TBC1D9: variants seen among roughly 807,000 people sequenced by gnomAD.
TBC1D9 encodes TBC1 domain family member 9, also known as TBC1 domain family member 9A.
Under a neutral mutation model 132.0 loss-of-function variants are expected in TBC1D9, and 63 were observed. The ratio of observed to expected loss-of-function variants is 0.48; its 90% confidence interval spans 0.39 to 0.59. The LOEUF (loss-of-function observed/expected upper bound fraction) is 0.59, where lower values mean the gene tolerates loss of function less well. TBC1D9 is among the 20% of genes least tolerant of loss of function. The probability of loss-of-function intolerance (pLI) is 0.00; values close to 1 mark genes in which losing one functional copy is unlikely to be tolerated. For missense variants in TBC1D9, 1,261 were observed against 1,592.7 expected, an observed-to-expected ratio of 0.79 and a Z score of 3.54; for synonymous variants, 610 against 609.9, an observed-to-expected ratio of 1.00 and a Z score of 0.00.
chr4:140,642,361 G>T, intron 13 of TBC1D9: 1 of 836,614 alleles, frequency 1.2e-6, no homozygotes, highest in Non-Finnish European at 2.0e-6. Context: ...GCCCTTTTGT[G>T]TTTACCTTCT....
chr4:140,730,338 TG>T (rs1269985276), intron 1 of TBC1D9, among the ~76,000 whole-genome samples: 1 of 152,206 alleles, frequency 6.6e-6, no homozygotes, highest in African/African-American at 2.4e-5. Flanking sequence ...CTTACATTGT[TG>T]GTACCAGGGG....
intron 1 of TBC1D9, among the ~76,000 whole-genome samples, chr4:140,755,200 A>T (rs187125926): frequency 6.6e-6 from 1 of 152,204 alleles, no homozygotes; most frequent in Non-Finnish European, 1.5e-5. Flanking sequence ...TACTTTGGAT[A>T]TGGGTCTGAC....
intron 2 of TBC1D9, 119 bp from the exon 3 acceptor site, chr4:140,686,581 G>T (rs1159776103): frequency 1.6e-6 from 1 of 620,844 alleles, no homozygotes; most frequent in Non-Finnish European, 2.8e-6. Flanking sequence ...CAAGAGCTTT[G>T]CCTTTAAATG....
intron 9 of TBC1D9, among the ~76,000 whole-genome samples, chr4:140,667,971 A>C (rs1297845791): frequency 5.3e-5 from 8 of 152,218 alleles, no homozygotes; most frequent in Non-Finnish European, 8.8e-5. Context: ...ACTTTTTAAG[A>C]ATAAAAGCTT....
rs147018015 is a variant in TBC1D9 at position 140,714,406 on chromosome 4, C to T, written c.131-12792G>A. 5.4e-3 allele frequency among the ~76,000 whole-genome samples: 828 copies of T among 152,208 alleles called. 6 individuals are homozygous for T. The highest frequency in any genetic ancestry group is 7.9e-3 in the Non-Finnish European group (534 of 68,002). On this transcript the variant is annotated intron_variant, in intron 1 of 20. Coordinates refer to ENST00000442267, the MANE Select transcript of TBC1D9 (RefSeq NM_015130.3). ...CAGGAGGAACCACTCAAAGTGGGGG[C>T]TTCTGGGTCTTTGGTGGATTCAAGG...
At position 140,622,327 on chromosome 4, in the gene TBC1D9, C is replaced by A. The variant is rs914934127; in HGVS notation, c.3669G>T (p.Glu1223Asp). 1 of 1,613,828 alleles carries A rather than the reference C, an allele frequency of 6.2e-7. No homozygotes were observed. The highest frequency in any genetic ancestry group is 2.2e-5 in the East Asian group (1 of 44,858). The part of the protein sequence containing the change: ...FEQFLASLLT[E>D]PALVKYFDKP... The stretch of plus-strand genomic sequence containing the variant: ...TGTCAAAGTACTTGACCAGGGCAGG[C>A]TCAGTTAAGAGGGAGGCCAGGAACT... Residue 1223 changes from glutamate (E) to aspartate (D), a missense_variant, in exon 21 of 21, where the codon GAG becomes GAT. Glu to Asp is a conservative substitution (Grantham distance 45). This residue lies in a region of TBC1D9 where 618 missense variants were observed against 724.4 expected (regional missense o/e 0.85). Coordinates refer to ENST00000442267, the MANE Select transcript of TBC1D9 (RefSeq NM_015130.3).
Position 140,642,572 on chromosome 4 carries a change from A to T in TBC1D9, c.2338-3144T>A, listed in dbSNP as rs1737020937. On this transcript the variant is annotated intron_variant, in intron 13 of 20. Transcript: ENST00000442267. ...AGGGCCTTTGTCGAGCTTGCTTGCC[A>T]ACTGCTCCTGGTCGCTGTCCATCTT... The T allele has an allele frequency of 6.1e-6, 6 of 987,090 alleles. No homozygotes were observed. In the Middle Eastern group the frequency reaches 1.1e-3, roughly 177 times the overall value. 61.1% of individuals were successfully genotyped at this position (987,090 alleles called of 1,614,324 possible).
intron 1 of TBC1D9, among the ~76,000 whole-genome samples, chr4:140,740,769 T>C (rs1470051061): frequency 1.3e-5 from 2 of 152,338 alleles, no homozygotes; most frequent in East Asian, 1.9e-4. Context: ...GTGAGACTTA[T>C]ACCTCAATCA....
intron 3 of TBC1D9, 101 bp from the exon 4 acceptor site, chr4:140,679,944 A>T: frequency 2.0e-6 from 2 of 1,005,996 alleles, no homozygotes; most frequent in Non-Finnish European, 2.8e-6. Flanking sequence ...TTAAAAAAAA[A>T]AATTGAGGAA....
At chr4:140,654,415 A>G (rs960008345) in intron 13 of TBC1D9, among the ~76,000 whole-genome samples, 26 of 146,036 alleles carry the variant, frequency 1.8e-4, no homozygotes, top group African/African-American at 6.3e-4. Flanking sequence ...CTTGGTACTG[A>G]GGCATGCCTA....
Position 140,646,492 on chromosome 4 carries a change from A to G in TBC1D9, c.2338-7064T>C, listed in dbSNP as rs112229461. Among the ~76,000 whole-genome samples the G allele has an allele frequency of 5.3e-5, 8 of 152,298 alleles. 1 individual carries two copies. Among genetic ancestry groups the G allele is most frequent in the African/African-American group, 1.9e-4 (8 of 41,566 alleles). ...ACTTTTTTACTATAAGTATATCCCA[A>G]TCAATATTAATTAATCCTGTATTTT... On this transcript the variant is annotated intron_variant, in intron 13 of 20. Transcript: ENST00000442267.
chr4:140,668,864 G>A, intron 9 of TBC1D9, 53 bp downstream of exon 9: 2 of 1,596,056 alleles, frequency 1.3e-6, no homozygotes, highest in Admixed American at 1.7e-5. Context: ...GGGAGGCCCT[G>A]GTGTGGAGTC....
chr4:140,654,282 T>C (rs1737231620), intron 13 of TBC1D9, among the ~76,000 whole-genome samples: 1 of 152,118 alleles, frequency 6.6e-6, no homozygotes, highest in Admixed American at 6.6e-5. Flanking sequence ...ACATTTGATT[T>C]TTTTAGATAG....
chr4:140,700,607 G>A (rs1738052707), intron 2 of TBC1D9, among the ~76,000 whole-genome samples: 1 of 151,940 alleles, frequency 6.6e-6, no homozygotes, highest in South Asian at 2.1e-4. Flanking sequence ...ATTGCTTTGA[G>A]GTCAGGAGTT....
intron 1 of TBC1D9, among the ~76,000 whole-genome samples, chr4:140,725,949 C>G (rs147458852): frequency 1.3e-5 from 2 of 152,144 alleles, no homozygotes; most frequent in African/African-American, 4.8e-5. Context: ...ATCTTTGAAC[C>G]ATATAAATAT....
rs185336929 is a variant in TBC1D9 at position 140,634,452 on chromosome 4, G to A, written c.2506-264C>T. 3.3e-3 allele frequency among the ~76,000 whole-genome samples: 506 copies of A among 152,238 alleles called. 1 individual carries two copies. Among genetic ancestry groups the A allele is most frequent in the Non-Finnish European group, 6.0e-3 (408 of 68,030 alleles). On this transcript the variant is annotated intron_variant, in intron 15 of 20. Transcript: ENST00000442267. ...ACTGGGTGTAGGTGAAGAAAGAAAGGGAACTCTCCCCCACCACATTCTCTT... is the reference window on the plus strand; with the variant it reads ...ACTGGGTGTAGGTGAAGAAAGAAAGAGAACTCTCCCCCACCACATTCTCTT...
intron 1 of TBC1D9, among the ~76,000 whole-genome samples, chr4:140,732,681 C>T (rs1453651046): frequency 6.6e-6 from 1 of 152,110 alleles, no homozygotes; most frequent in Non-Finnish European, 1.5e-5. Context: ...TCAAGTCTTC[C>T]ACAGCTGTCT....
chr4:140,653,405 C>T (rs909171588), intron 13 of TBC1D9, among the ~76,000 whole-genome samples: 1 of 152,144 alleles, frequency 6.6e-6, no homozygotes, highest in African/African-American at 2.4e-5. Context: ...CAGTGATTAG[C>T]CCCATTCTGC....
chr4:140,755,795 G>A, intron 1 of TBC1D9, 121 bp downstream of exon 1: 1 of 1,354,188 alleles, frequency 7.4e-7, no homozygotes, highest in Non-Finnish European at 9.5e-7. Context: ...ATACAACGAG[G>A]CAGGGCGGGT....
Sources: gnomAD v4.1 joint callset for allele counts (sites outside exome capture counted in the v4.1 genomes callset) on GRCh38, gnomAD v4.1.1 for gene constraint, gnomAD v4.1.1 regional missense constraint, MANE v1.5 for transcripts, NCBI Gene and HGNC (gene_info 2026-07-23, HGNC 2026-07-21) for gene names.